The following DTD1 variants were observed in gnomAD, a reference collection of about 807,000 sequenced individuals.
DTD1 encodes the protein D-tyrosyl-tRNA deacylase 1 homolog.
DTD1 carries 13 observed loss-of-function variants against 25.6 expected under a neutral mutation model. The observed-to-expected ratio is 0.51, with a 90% CI of 0.33 to 0.81. The LOEUF is 0.81. DTD1 is among the 30% of genes least tolerant of loss of function. The probability of loss-of-function intolerance (pLI) is 0.02; values close to 1 mark genes in which losing one functional copy is unlikely to be tolerated. For missense variants in DTD1, 193 were observed against 266.4 expected, an observed-to-expected ratio of 0.72 and a Z score of 1.92; for synonymous variants, 110 against 103.6, an observed-to-expected ratio of 1.06 and a Z score of -0.37.
At chr20:18,690,082 G>C (rs1217152082) in intron 4 of DTD1, among the ~76,000 whole-genome samples, 1 of 148,676 alleles carries the variant, frequency 6.7e-6, no homozygotes, top group Non-Finnish European at 1.5e-5. Flanking sequence ...ACTGCAATGA[G>C]CTGTGATCAC....
chr20:18,695,352 A>G (rs923249510), intron 4 of DTD1, among the ~76,000 whole-genome samples: 1 of 131,248 alleles, frequency 7.6e-6, no homozygotes, highest in Admixed American at 7.7e-5. Flanking sequence ...GGAGAAAGCA[A>G]TGCAGGTCTC....
intron 1 of DTD1, chr20:18,592,388 G>A (rs1315893368): frequency 6.6e-6 from 1 of 152,172 alleles, no homozygotes; most frequent in Admixed American, 6.5e-5. Flanking sequence ...AGGCAGGGAG[G>A]ATTGCTTGAG....
intron 4 of DTD1, among the ~76,000 whole-genome samples, chr20:18,693,086 T>C (rs1224534350): frequency 1.3e-5 from 2 of 151,686 alleles, no homozygotes; most frequent in Admixed American, 6.6e-5. Flanking sequence ...AGAGATGGGG[T>C]TTCACCATGT....
chr20:18,658,038 A>G (rs2060896883), intron 4 of DTD1, among the ~76,000 whole-genome samples: 1 of 152,226 alleles, frequency 6.6e-6, no homozygotes. Context: ...GCTGGCTACC[A>G]CAGTGGGAGA....
At chr20:18,716,187 C>T (rs2061180029) in intron 4 of DTD1, among the ~76,000 whole-genome samples, 1 of 152,176 alleles carries the variant, frequency 6.6e-6, no homozygotes, top group African/African-American at 2.4e-5. Context: ...TCACACACTT[C>T]CTCCAAATAT....
intron 4 of DTD1, among the ~76,000 whole-genome samples, chr20:18,681,347 G>A (rs1422173019): frequency 6.6e-6 from 1 of 152,204 alleles, no homozygotes; most frequent in African/African-American, 2.4e-5. Context: ...GCATTATAAT[G>A]TGAAAATCAG....
intron 4 of DTD1, among the ~76,000 whole-genome samples, chr20:18,644,404 G>A (rs1185131597): frequency 2.0e-5 from 3 of 152,138 alleles, no homozygotes; most frequent in African/African-American, 7.2e-5. Context: ...TATTGTTAAC[G>A]ATAAAGTTGC....
chr20:18,677,823 T>G (rs1278493774), intron 4 of DTD1, among the ~76,000 whole-genome samples: 1 of 151,790 alleles, frequency 6.6e-6, no homozygotes, highest in African/African-American at 2.4e-5. Context: ...AAGACAAAGT[T>G]CGGGACTATC....
intron 4 of DTD1, among the ~76,000 whole-genome samples, chr20:18,655,926 C>T (rs1481463037): frequency 6.6e-6 from 1 of 152,072 alleles, no homozygotes; most frequent in Admixed American, 6.6e-5. Flanking sequence ...TGCGCCACCA[C>T]ACCCAGCTAA....
intron 3 of DTD1, among the ~76,000 whole-genome samples, chr20:18,617,286 A>G (rs1314942640): frequency 6.6e-6 from 1 of 150,886 alleles, no homozygotes; most frequent in Admixed American, 6.6e-5. Flanking sequence ...TCAAAACCTT[A>G]TTGATTCAGG....
At chr20:18,758,577 C>T (rs914899699) in intron 5 of DTD1, among the ~76,000 whole-genome samples, 2 of 152,086 alleles carry the variant, frequency 1.3e-5, no homozygotes, top group Non-Finnish European at 2.9e-5. Context: ...TGTAGTTGAG[C>T]GGTTTTGAGT....
At chr20:18,728,781 G>T (rs1035451883) in intron 4 of DTD1, among the ~76,000 whole-genome samples, 18 of 152,186 alleles carry the variant, frequency 1.2e-4, no homozygotes, top group African/African-American at 4.1e-4. Context: ...CCCTGCCTGG[G>T]TCCCCTGGGT....
At chr20:18,621,517 C>T (rs558855397) in intron 3 of DTD1, among the ~76,000 whole-genome samples, 71 of 152,260 alleles carry the variant, frequency 4.7e-4, no homozygotes, top group Middle Eastern at 3.4e-3. Flanking sequence ...ATGGTCTTTG[C>T]CTGTAACAGT....
intron 4 of DTD1, among the ~76,000 whole-genome samples, chr20:18,695,516 C>T (rs1309992166): frequency 1.2e-4 from 9 of 74,438 alleles, no homozygotes; most frequent in African/African-American, 2.1e-4. Flanking sequence ...CTTCCCTTCC[C>T]TTCCTTTCCC....
At chr20:18,614,386 T>C (rs1482863700) in intron 3 of DTD1, among the ~76,000 whole-genome samples, 1 of 152,128 alleles carries the variant, frequency 6.6e-6, no homozygotes, top group African/African-American at 2.4e-5. Flanking sequence ...GGAGACAAGG[T>C]AGGGCTAGGA....
At chr20:18,625,872 T>C (rs2060755401) in intron 3 of DTD1, among the ~76,000 whole-genome samples, 2 of 152,200 alleles carry the variant, frequency 1.3e-5, no homozygotes, top group Non-Finnish European at 2.9e-5. Flanking sequence ...ACCTGAGGCT[T>C]ACTGTCTAGT....
chr20:18,680,797 C>A (rs376126602), intron 4 of DTD1, among the ~76,000 whole-genome samples: 1 of 152,100 alleles, frequency 6.6e-6, no homozygotes, highest in South Asian at 2.1e-4. Flanking sequence ...GTTAAAAGTA[C>A]AAAATAAAGC....
At chr20:18,632,226 T>C (rs898248210) in intron 4 of DTD1, 1 of 985,288 alleles carries the variant, frequency 1.0e-6, no homozygotes, top group Non-Finnish European at 1.2e-6. Context: ...TGTTAACTTA[T>C]AAGGATTAAA....
Position 18,644,640 on chromosome 20 carries a change from G to A in DTD1, c.477+16407G>A, listed in dbSNP as rs539713291. On this transcript the variant is annotated intron_variant, in intron 4 of 5. Coordinates refer to ENST00000377452, the MANE Select transcript of DTD1 (RefSeq NM_080820.6). Reference sequence around the variant, plus strand: ...TAGGAATAATAGACCTGAAAGAGTTGCTTGGAACCTGTGTAGATTCATTTC... The same window carrying A: ...TAGGAATAATAGACCTGAAAGAGTTACTTGGAACCTGTGTAGATTCATTTC... Among the ~76,000 whole-genome samples, 3 of 152,368 alleles carry A rather than the reference G, an allele frequency of 2.0e-5. No individual in the cohort carries two copies. The South Asian group carries it at 6.2e-4, about 32-fold the overall frequency.
Sources: gnomAD v4.1 joint callset for allele counts (sites outside exome capture counted in the v4.1 genomes callset) on GRCh38, gnomAD v4.1.1 for gene constraint, MANE v1.5 for transcripts, NCBI Gene and HGNC (gene_info 2026-07-23, HGNC 2026-07-21) for gene names.